ITGB4: variants seen among roughly 807,000 people sequenced by gnomAD.
ITGB4 encodes the protein integrin beta-4.
ITGB4 carries 159 observed loss-of-function variants against 207.6 expected under a neutral mutation model. The ratio of observed to expected loss-of-function variants is 0.77; its 90% CI spans 0.67 to 0.87. The LOEUF is 0.87. Among genes scored for constraint, ITGB4 ranks in the 40% least tolerant of loss-of-function variants. ITGB4 has a pLI of 0.00. For missense variants in ITGB4, 2,278 were observed against 2,546.8 expected (o/e 0.89, Z 2.27); for synonymous variants, 1,020 against 1,062.7 (o/e 0.96, Z 0.78).
chr17:75,754,345 T>C (rs2061437380), intron 33 of ITGB4: 1 of 609,610 alleles, frequency 1.6e-6, no homozygotes, highest in African/African-American at 1.8e-5. Context: ...TCAGCAGTGC[T>C]CACACCGATA....
Position 75,727,054 on chromosome 17 carries a change from C to T in ITGB4, c.80-141C>T. ...CGCCACTGCACTCCAGCCTGGGCAA[C>T]AGAGCGAGACTCTGTCTCAAAATAA... On this transcript the variant is annotated intron_variant, in intron 2 of 39. Transcript: ENST00000200181. The surrounding 1 kb of genome is among the most constrained non-coding windows in gnomAD (Gnocchi z 6.0). The T allele has an allele frequency of 2.7e-6, 2 of 732,348 alleles. No individual in the cohort carries two copies. Among genetic ancestry groups the T allele is most frequent in the Non-Finnish European group, 4.7e-6 (2 of 426,722 alleles). 45.4% of individuals were successfully genotyped at this position (732,348 alleles called of 1,614,324 possible). A position where few individuals can be genotyped will look rare whatever the true frequency, so the allele number is the denominator to read the frequency against.
Position 75,730,979 on chromosome 17 carries a change from G to A in ITGB4, c.1092+15G>A. ...AGGCCTTCAATGTGAGGGCAGCTCA[G>A]GCTCCAGAGTCTGAGCCCTTCTGGG... is the stretch of plus-strand genomic sequence containing the variant. On this transcript the variant is annotated intron_variant, in intron 9 of 39. Coordinates refer to ENST00000200181, the MANE Select transcript of ITGB4 (RefSeq NM_000213.5). The A allele has an allele frequency of 2.5e-6, 4 of 1,609,336 alleles. No homozygotes were observed. Among genetic ancestry groups the A allele is most frequent in the Non-Finnish European group, 3.4e-6 (4 of 1,176,078 alleles).
chr17:75,736,433 C>T (rs368611069), intron 15 of ITGB4, 47 bp downstream of exon 15: 69 of 1,610,090 alleles, frequency 4.3e-5, no homozygotes, highest in Non-Finnish European at 5.6e-5. Context: ...AGGGCAGGCA[C>T]AGGGCAGTGT....
At chr17:75,753,127 G>C (rs2061405931) in intron 32 of ITGB4, among the ~76,000 whole-genome samples, 1 of 152,194 alleles carries the variant, frequency 6.6e-6, no homozygotes, top group South Asian at 2.1e-4. Flanking sequence ...TGTATAATGG[G>C]ATACCAATCA....
At chr17:75,754,849 T>C (rs377105549) in intron 34 of ITGB4, 34 bp downstream of exon 34, 421 of 1,613,516 alleles carry the variant, frequency 2.6e-4, no homozygotes, top group Non-Finnish European at 3.5e-4. Flanking sequence ...CCTCTCCCAC[T>C]AACCCTTCCT....
At position 75,728,490 on chromosome 17, in the gene ITGB4, G is replaced by A; in HGVS notation, c.566+17G>A. ...GCCTGAGAAGTAAGTGACTGTGTGG[G>A]TCCCGCAGGTGGGCAAGGGTCCAGG... On this transcript the variant is annotated intron_variant, in intron 6 of 39. Coordinates refer to ENST00000200181, the MANE Select transcript of ITGB4 (RefSeq NM_000213.5). 8 of 1,597,314 alleles carry A rather than the reference G, an allele frequency of 5.0e-6. No homozygotes were observed. The highest frequency in any genetic ancestry group is 1.1e-5 in the South Asian group (1 of 90,706).
chr17:75,729,185 T>A lies in ITGB4; in HGVS notation c.567-80T>A. The stretch of plus-strand genomic sequence containing the variant: ...AAAAAAAAAAAAAAAATTCTCCTTC[T>A]AGTTGAAACGAGCCAGGGGCACTGG... On this transcript the variant is annotated intron_variant, in intron 6 of 39. Transcript: ENST00000200181. This position sits in a 1 kb window ranked among gnomAD's most constrained non-coding sequence, Gnocchi z 4.4. 1 of 1,319,866 alleles carries A rather than the reference T, an allele frequency of 7.6e-7. No homozygotes were observed. The highest frequency in any genetic ancestry group is 1.1e-6 in the Non-Finnish European group (1 of 946,572). 81.8% of individuals were successfully genotyped at this position (1,319,866 alleles called of 1,614,324 possible).
chr17:75,757,801 A>G lies in ITGB4; in HGVS notation c.*246A>G, dbSNP rs1045339079. 3.0e-6 allele frequency: 2 copies of G among 663,038 alleles called. No individual in the cohort carries two copies. Among genetic ancestry groups the G allele is most frequent in the Admixed American group, 2.6e-5 (1 of 38,630 alleles). The allele number at this position is 663,038 out of a possible 1,614,324, so 41.1% of individuals were successfully genotyped here. ...CCAGCCTTTGTTCTGCACTTAATAAATGGTTTTGCTACTGCTAGGCCCTGC... is the reference window on the plus strand; with the variant it reads ...CCAGCCTTTGTTCTGCACTTAATAAGTGGTTTTGCTACTGCTAGGCCCTGC... On this transcript the variant is annotated 3_prime_UTR_variant, in exon 40 of 40. Transcript: ENST00000200181.
rs532068508 is a variant in ITGB4, at chr17:75,722,068, C to T, written c.-11+456C>T. ...TTTAAAAGCCACCCTGAGAGGCAGA[C>T]GCCATCCCGGCTCCAGGCAGGGCTT... On this transcript the variant is annotated intron_variant, in intron 1 of 39. Transcript: ENST00000200181. This position sits in a 1 kb window ranked among gnomAD's most constrained non-coding sequence, Gnocchi z 6.2. Among the ~76,000 whole-genome samples the T allele has an allele frequency of 2.0e-5, 3 of 152,308 alleles. No individual in the cohort carries two copies. The highest frequency in any genetic ancestry group is 7.2e-5 in the African/African-American group (3 of 41,566).
chr17:75,752,297 G>C lies in ITGB4; in HGVS notation c.3917G>C (p.Trp1306Ser). The C allele has an allele frequency of 6.2e-7, 1 of 1,613,212 alleles. No individual in the cohort carries two copies. The highest frequency in any genetic ancestry group is 8.5e-7 in the Non-Finnish European group (1 of 1,180,012). ...YTVKARNGAGWGPEREAIINL... is the reference protein window; with the variant it reads ...YTVKARNGAGSGPEREAIINL... ...GTGAAGGCGCGCAACGGGGCCGGCT[G>C]GGGGCCTGAGCGGGAGGCCATCATC... The change falls in exon 31 of 40, where the codon TGG (tryptophan) becomes TCG (serine). Residue 1306 changes from tryptophan to serine, a missense_variant. By Grantham distance (177) the Trp-to-Ser change is radical (BLOSUM62 -3). Transcript: ENST00000200181.
intron 26 of ITGB4, among the ~76,000 whole-genome samples, chr17:75,747,170 C>G (rs968194325): frequency 6.6e-6 from 1 of 152,012 alleles, no homozygotes; most frequent in Non-Finnish European, 1.5e-5. Context: ...ATTGATTATA[C>G]TAGTACCTAA....
intron 1 of ITGB4, among the ~76,000 whole-genome samples, chr17:75,723,176 G>T (rs562533522): frequency 6.6e-6 from 1 of 152,156 alleles, no homozygotes; most frequent in Admixed American, 6.5e-5. Context: ...AGTGCTGTCC[G>T]CGGGATGGGG....
intron 23 of ITGB4, among the ~76,000 whole-genome samples, chr17:75,741,381 G>A (rs1158911045): frequency 6.6e-6 from 1 of 152,106 alleles, no homozygotes; most frequent in Non-Finnish European, 1.5e-5. Context: ...CGAGAGGATG[G>A]GCCAGCAGGT....
rs1007197623 is a variant in ITGB4 at position 75,739,531 on chromosome 17, C to T, written c.2221-141C>T. 2 of 951,578 alleles carry T rather than the reference C, an allele frequency of 2.1e-6. No individual in the cohort carries two copies. Among genetic ancestry groups the T allele is most frequent in the African/African-American group, 1.6e-5 (1 of 62,076 alleles). 58.9% of individuals were successfully genotyped at this position (951,578 alleles called of 1,614,324 possible). A position where few individuals can be genotyped will look rare whatever the true frequency, so the allele number is the denominator to read the frequency against. On this transcript the variant is annotated intron_variant, in intron 18 of 39. Transcript: ENST00000200181. The surrounding 1 kb of genome is among the most constrained non-coding windows in gnomAD (Gnocchi z 5.4). ...TGCCCTTGTGTGCCATGCTTACACC[C>T]TGCTACCACCTGGATATTCTGGTGT...
chr17:75,733,692 G>A lies in ITGB4; in HGVS notation c.1657G>A (p.Asp553Asn). The A allele has an allele frequency of 6.2e-7, 1 of 1,613,854 alleles. No individual in the cohort carries two copies. The highest frequency in any genetic ancestry group is 8.5e-7 in the Non-Finnish European group (1 of 1,179,968). ...CCGCACTTCCGGGTTCCTCTGCAAT[G>A]GTGAGCACAACAACTGCGGCCAATG... Reference protein sequence around the residue: ...CPRTSGFLCNDRGRCSMGQCV... With the variant: ...CPRTSGFLCNNRGRCSMGQCV... The change falls in exon 13 of 40, where the codon GAC becomes AAC. Residue 553 changes from aspartate to asparagine, a missense_variant and splice_region_variant. By Grantham distance (23) the Asp-to-Asn change is conservative (BLOSUM62 1). Transcript: ENST00000200181.
rs78048168 is a variant in ITGB4, at chr17:75,731,988, C to T, written c.1377+15C>T. 2.0e-3 allele frequency: 3,216 copies of T among 1,613,908 alleles called. 45 individuals carry two copies. The African/African-American group carries it at 0.035, about 18-fold the overall frequency. On this transcript the variant is annotated intron_variant, in intron 11 of 39. Coordinates refer to ENST00000200181, the MANE Select transcript of ITGB4 (RefSeq NM_000213.5). This position sits in a 1 kb window ranked among gnomAD's most constrained non-coding sequence, Gnocchi z 6.8. Reference sequence around the variant, plus strand: ...CCTGCGAGCTGGTACAACGCAGCCCCGCAGGGCGGGAGGGGAGAGCTGAGC... The same window carrying T: ...CCTGCGAGCTGGTACAACGCAGCCCTGCAGGGCGGGAGGGGAGAGCTGAGC...
Position 75,737,453 on chromosome 17 carries a change from G to A in ITGB4, c.2113+9G>A, listed in dbSNP as rs1383189077. 6.4e-7 allele frequency: 1 copy of A among 1,553,552 alleles called. No individual in the cohort carries two copies. ...GGTGCACAAGAAGAAGGGTGAGCTG[G>A]TGGGGCCGGGCGCAGGGAGGGGGCG... On this transcript the variant is annotated intron_variant, in intron 17 of 39. Coordinates refer to ENST00000200181, the MANE Select transcript of ITGB4 (RefSeq NM_000213.5).
rs559346273 is a variant in ITGB4, at chr17:75,724,626, C to T, written c.-10-68C>T. The T allele has an allele frequency of 9.1e-5, 106 of 1,167,064 alleles. No individual in the cohort carries two copies. In the African/African-American group the frequency reaches 1.1e-3, roughly 12 times the overall value. The allele number at this position is 1,167,064 out of a possible 1,614,324, so 72.3% of individuals were successfully genotyped here. On this transcript the variant is annotated intron_variant, in intron 1 of 39. Transcript: ENST00000200181. ...AGCCTCAGTTCCCACAGCTGTGCAG[C>T]GAGAGGAAGCTGACGGCACCGACCA...
chr17:75,730,166 C>G (rs2060818647), intron 7 of ITGB4, 75 bp from the exon 8 acceptor site: 1 of 1,595,536 alleles, frequency 6.3e-7, no homozygotes, highest in Non-Finnish European at 8.5e-7. Context: ...CCCGCGTTCC[C>G]CGTCCTACAC....
Sources: gnomAD v4.1 joint callset for allele counts (sites outside exome capture counted in the v4.1 genomes callset) on GRCh38, gnomAD v4.1.1 for gene constraint, Gnocchi (gnomAD v3.1) non-coding constraint, MANE v1.5 for transcripts, NCBI Gene and HGNC (gene_info 2026-07-23, HGNC 2026-07-21) for gene names.